Variants in JAM3 observed in about 807,000 individuals in gnomAD.
The protein encoded by JAM3 is junctional adhesion molecule 3.
A neutral mutation model predicts 39.4 loss-of-function variants in JAM3; 31 were observed. The ratio of observed to expected loss-of-function variants is 0.79; its 90% CI spans 0.59 to 1.06. The LOEUF (loss-of-function observed/expected upper bound fraction) is 1.06. Ranked by LOEUF, JAM3 falls within the 50% of genes least tolerant of loss-of-function variation. JAM3 has a pLI of 0.00. For synonymous variants in JAM3, 182 were observed against 148.7 expected, an observed-to-expected ratio of 1.22 and a Z score of -1.63; for missense variants, 455 against 391.4, an observed-to-expected ratio of 1.16 and a Z score of -1.37.
chr11:134,128,314 C>T (rs1175169594), intron 1 of JAM3, among the ~76,000 whole-genome samples: 1 of 152,192 alleles, frequency 6.6e-6, no homozygotes, highest in Non-Finnish European at 1.5e-5. Flanking sequence ...TCAGAACTCA[C>T]CTCTCTCTGA....
At chr11:134,145,760 G>C (rs1010596804) in intron 5 of JAM3, among the ~76,000 whole-genome samples, 186 bp from the exon 6 acceptor site, 1 of 152,230 alleles carries the variant, frequency 6.6e-6, no homozygotes, top group Non-Finnish European at 1.5e-5. Context: ...CCAGTCCCAA[G>C]GGGATTGGTT....
At chr11:134,102,499 AC>A (rs753177834) in intron 1 of JAM3, among the ~76,000 whole-genome samples, 1 of 152,244 alleles carries the variant, frequency 6.6e-6, no homozygotes, top group Non-Finnish European at 1.5e-5. Flanking sequence ...CAGCAACGGA[AC>A]AAAGCTGGAC....
intron 1 of JAM3, among the ~76,000 whole-genome samples, chr11:134,131,574 G>A (rs1034124246): frequency 6.6e-6 from 1 of 152,036 alleles, no homozygotes; most frequent in Non-Finnish European, 1.5e-5. Flanking sequence ...CTCATTTAAA[G>A]GAACTAAAGG....
intron 1 of JAM3, among the ~76,000 whole-genome samples, chr11:134,125,826 G>A (rs1275570178): frequency 6.6e-6 from 1 of 152,162 alleles, no homozygotes; most frequent in Non-Finnish European, 1.5e-5. Flanking sequence ...TGTCTGCTTT[G>A]TTTTTTCTCT....
At chr11:134,138,373 CCTTA>C in intron 1 of JAM3, among the ~76,000 whole-genome samples, 1 of 112,156 alleles carries the variant, frequency 8.9e-6, no homozygotes, top group Non-Finnish European at 1.8e-5. Flanking sequence ...GCCACTAGTC[CCTTA>C]GAGCCAGTGG....
At chr11:134,137,070 G>T (rs958278627) in intron 1 of JAM3, among the ~76,000 whole-genome samples, 1 of 150,334 alleles carries the variant, frequency 6.7e-6, no homozygotes. Context: ...CCGAGGTTGC[G>T]CCACTGCACT....
At chr11:134,087,164 A>G (rs1367691109) in intron 1 of JAM3, among the ~76,000 whole-genome samples, 1 of 152,100 alleles carries the variant, frequency 6.6e-6, no homozygotes. Flanking sequence ...CAGAAATGTA[A>G]TGTCCTGAGA....
chr11:134,071,763 C>T (rs1381727987), intron 1 of JAM3, among the ~76,000 whole-genome samples: 1 of 152,070 alleles, frequency 6.6e-6, no homozygotes, highest in East Asian at 1.9e-4. Flanking sequence ...TTTAGAATGG[C>T]ATATTCTTTT....
At chr11:134,102,752 G>C (rs1942100028) in intron 1 of JAM3, among the ~76,000 whole-genome samples, 1 of 152,216 alleles carries the variant, frequency 6.6e-6, no homozygotes, top group African/African-American at 2.4e-5. Flanking sequence ...TCAACTGGAA[G>C]AAAGGGTATC....
At chr11:134,101,880 A>G (rs1455266296) in intron 1 of JAM3, among the ~76,000 whole-genome samples, 1 of 152,166 alleles carries the variant, frequency 6.6e-6, no homozygotes, top group Non-Finnish European at 1.5e-5. Context: ...TAGCTTGGGC[A>G]AGATAGCAAG....
intron 1 of JAM3, chr11:134,124,381 G>A (rs470952): frequency 0.75 from 481,407 of 641,650 alleles, 183,574 homozygotes; most frequent in East Asian, 0.97. Context: ...AAAAGTGAAA[G>A]AAATCAATAA....
intron 3 of JAM3, among the ~76,000 whole-genome samples, chr11:134,141,343 A>G (rs931698439): frequency 2.6e-5 from 4 of 152,014 alleles, no homozygotes; most frequent in Non-Finnish European, 5.9e-5. Context: ...GGAGGTGGTG[A>G]TCAGGAGAGA....
At chr11:134,139,303 C>T (rs1942929756) in intron 1 of JAM3, among the ~76,000 whole-genome samples, 1 of 152,192 alleles carries the variant, frequency 6.6e-6, no homozygotes, top group African/African-American at 2.4e-5. Context: ...TCAACAAAGA[C>T]CGGTGAAAAC....
chr11:134,148,531 A>AC lies in JAM3; in HGVS notation c.713-14dup. ...TAGTGTGTATCATGGCTTCCACCAA[A>AC]CCTCCTTTTCTTCAGATGACCTGAA... On this transcript the variant is annotated splice_polypyrimidine_tract_variant and intron_variant, in intron 6 of 8. Transcript: ENST00000299106. The AC allele has an allele frequency of 6.2e-7, 1 of 1,611,800 alleles. No homozygotes were observed. The highest frequency in any genetic ancestry group is 8.5e-7 in the Non-Finnish European group (1 of 1,179,574).
chr11:134,144,014 AGT>A (rs1468991051), intron 3 of JAM3, among the ~76,000 whole-genome samples: 1 of 152,160 alleles, frequency 6.6e-6, no homozygotes, highest in African/African-American at 2.4e-5. Flanking sequence ...CATGGTAATG[AGT>A]GTGTCTTGCA....
rs78546024 is a variant in JAM3, at chr11:134,144,133, T to A, written c.257-108T>A. 412 of 1,024,516 alleles carry A rather than the reference T, an allele frequency of 4.0e-4. 1 individual carries two copies. In the African/African-American group the frequency reaches 5.8e-3, roughly 14 times the overall value. 63.5% of individuals were successfully genotyped at this position (1,024,516 alleles called of 1,614,324 possible). A position where few individuals can be genotyped will look rare whatever the true frequency, so the allele number is the denominator to read the frequency against. On this transcript the variant is annotated intron_variant, in intron 3 of 8. Coordinates refer to ENST00000299106, the MANE Select transcript of JAM3 (RefSeq NM_032801.5). ...TCGGGAATAGAAATAAATATTGATC[T>A]GCAGGCTTCCTTGCTGTGGCATCTA... is the stretch of plus-strand genomic sequence containing the variant.
At chr11:134,084,618 C>T (rs867485357) in intron 1 of JAM3, among the ~76,000 whole-genome samples, 9 of 152,162 alleles carry the variant, frequency 5.9e-5, no homozygotes, top group African/African-American at 2.2e-4. Context: ...TTTGCTGTTA[C>T]TAACTGTGCT....
intron 1 of JAM3, among the ~76,000 whole-genome samples, chr11:134,126,964 C>G (rs1591797873): frequency 6.6e-6 from 1 of 152,318 alleles, no homozygotes; most frequent in South Asian, 2.1e-4. Flanking sequence ...ATCTTAGTGT[C>G]ACTTAGCATT....
chr11:134,117,535 G>A (rs1942460562), intron 1 of JAM3, among the ~76,000 whole-genome samples: 2 of 152,184 alleles, frequency 1.3e-5, no homozygotes, highest in Admixed American at 6.5e-5. Context: ...CAACTGTTTT[G>A]TAAATACCAC....
Sources: gnomAD v4.1 joint callset for allele counts (sites outside exome capture counted in the v4.1 genomes callset) on GRCh38, gnomAD v4.1.1 for gene constraint, MANE v1.5 for transcripts, NCBI Gene and HGNC (gene_info 2026-07-23, HGNC 2026-07-21) for gene names.